RBFOX1: variants seen among roughly 807,000 people sequenced by gnomAD.
RBFOX1 encodes the protein RNA binding fox-1 homolog 1.
In RBFOX1, 8 loss-of-function variants were observed where a neutral mutation model predicts 57.7. The ratio of observed to expected loss-of-function variants is 0.14; its 90% CI spans 0.08 to 0.25. RBFOX1 has a LOEUF of 0.25. Ranked by LOEUF, RBFOX1 falls within the 10% of genes least tolerant of loss-of-function variation. The probability of loss-of-function intolerance (pLI) is 1.00; values close to 1 mark genes in which losing one functional copy is unlikely to be tolerated. For missense variants in RBFOX1, 611 were observed against 548.5 expected (o/e 1.11, Z -1.14); for synonymous variants, 326 against 222.4 (o/e 1.47, Z -4.15).
At chr16:6,288,366 T>C (rs1413519576) in intron 1 of RBFOX1, among the ~76,000 whole-genome samples, 13 of 152,158 alleles carry the variant, frequency 8.5e-5, no homozygotes, top group African/African-American at 2.9e-4. Context: ...GATTTGGAAG[T>C]TCTGGGTTAG....
At chr16:5,983,534 C>T (rs981374543) in intron 4 of RBFOX1, among the ~76,000 whole-genome samples, 35 of 152,260 alleles carry the variant, frequency 2.3e-4, no homozygotes, top group Non-Finnish European at 1.2e-4. Flanking sequence ...CAGCCCAGTT[C>T]GGGGATCACC....
intron 1 of RBFOX1, among the ~76,000 whole-genome samples, chr16:5,457,751 C>G (rs2068673692): frequency 6.6e-6 from 1 of 152,244 alleles, no homozygotes; most frequent in African/African-American, 2.4e-5. Context: ...GTGTGACTAT[C>G]TGTGTGGACT....
intron 2 of RBFOX1, among the ~76,000 whole-genome samples, chr16:6,613,095 C>T (rs1465059873): frequency 6.6e-6 from 1 of 151,382 alleles, no homozygotes; most frequent in East Asian, 1.9e-4. Flanking sequence ...GGTACAGGAA[C>T]TGTCAGGCCT....
At chr16:6,302,679 G>T (rs1011115669) in intron 1 of RBFOX1, among the ~76,000 whole-genome samples, 2 of 152,032 alleles carry the variant, frequency 1.3e-5, no homozygotes, top group Non-Finnish European at 2.9e-5. Context: ...CAATTAAAAA[G>T]AAAGAACATT....
intron 1 of RBFOX1, among the ~76,000 whole-genome samples, chr16:6,046,485 G>C (rs2095496659): frequency 6.6e-6 from 1 of 152,154 alleles, no homozygotes; most frequent in Admixed American, 6.5e-5. Context: ...ATGTATACTC[G>C]AGTCTAGAGC....
chr16:5,538,889 C>G (rs992888707), intron 2 of RBFOX1, among the ~76,000 whole-genome samples: 2 of 152,022 alleles, frequency 1.3e-5, no homozygotes, highest in Non-Finnish European at 2.9e-5. Flanking sequence ...GCCAGTGGCT[C>G]CGTTTTGATT....
At chr16:6,324,095 C>A (rs2082107014) in intron 2 of RBFOX1, among the ~76,000 whole-genome samples, 1 of 152,112 alleles carries the variant, frequency 6.6e-6, no homozygotes, top group African/African-American at 2.4e-5. Flanking sequence ...TTAGCGTAAC[C>A]ATCACCTTAA....
chr16:6,273,287 G>T (rs1599048813), intron 1 of RBFOX1, among the ~76,000 whole-genome samples: 1 of 136,470 alleles, frequency 7.3e-6, no homozygotes, highest in East Asian at 2.4e-4. Flanking sequence ...CCAAAGCAAA[G>T]AAAACAGAAA....
rs138780576 is a variant in RBFOX1, at chr16:7,604,608, A to G, written c.623-2677A>G. On this transcript the variant is annotated intron_variant, in intron 9 of 15. Transcript: ENST00000550418. ...GATTATAGGGGGATAGACAGATTAT[A>G]GATACGTTTATAGATAGATCAGTAG... 3.1e-3 allele frequency among the ~76,000 whole-genome samples: 467 copies of G among 152,322 alleles called. 1 individual carries two copies. The highest frequency in any genetic ancestry group is 0.01 in the Middle Eastern group (3 of 294).
chr16:7,631,848 A>G lies in RBFOX1; in HGVS notation c.757+1165A>G, dbSNP rs528594350. Among the ~76,000 whole-genome samples the G allele has an allele frequency of 9.8e-5, 15 of 152,316 alleles. No individual in the cohort carries two copies. The South Asian group carries it at 1.9e-3, about 19-fold the overall frequency. The stretch of plus-strand genomic sequence containing the variant: ...TGTTACCAGCAGTCACAGGGAATCA[A>G]AAATATAATGTGACACACCCAAGGG... On this transcript the variant is annotated intron_variant, in intron 11 of 15. Transcript: ENST00000550418.
At chr16:6,451,884 C>G (rs1176219866) in intron 2 of RBFOX1, among the ~76,000 whole-genome samples, 2 of 151,216 alleles carry the variant, frequency 1.3e-5, no homozygotes, top group African/African-American at 2.4e-5. Flanking sequence ...ATGACTCCAT[C>G]CATGGCCACT....
intron 4 of RBFOX1, among the ~76,000 whole-genome samples, chr16:7,125,081 C>G (rs1455035721): frequency 6.6e-6 from 1 of 152,086 alleles, no homozygotes; most frequent in East Asian, 1.9e-4. Flanking sequence ...TCTGTCAAAG[C>G]TGAGATATTT....
At chr16:7,152,700 A>C (rs180992641) in intron 4 of RBFOX1, among the ~76,000 whole-genome samples, 119 of 152,290 alleles carry the variant, frequency 7.8e-4, no homozygotes, top group Non-Finnish European at 1.2e-3. Context: ...AGCATGGGCA[A>C]AATAAGTTGT....
At chr16:6,897,208 C>G (rs1013922345) in intron 3 of RBFOX1, among the ~76,000 whole-genome samples, 1 of 152,234 alleles carries the variant, frequency 6.6e-6, no homozygotes, top group African/African-American at 2.4e-5. Flanking sequence ...CAGAACCCTA[C>G]TTCATAACTT....
chr16:7,301,202 A>G (rs997376720), intron 4 of RBFOX1, among the ~76,000 whole-genome samples: 4 of 152,170 alleles, frequency 2.6e-5, no homozygotes, highest in African/African-American at 7.2e-5. Flanking sequence ...TGGATGCCCT[A>G]TTCCTGATTA....
intron 3 of RBFOX1, among the ~76,000 whole-genome samples, chr16:5,643,472 G>T (rs2048947135): frequency 6.6e-6 from 1 of 152,180 alleles, no homozygotes; most frequent in Admixed American, 6.5e-5. Flanking sequence ...CTTCTCTGCT[G>T]AGAGGTATGG....
chr16:6,864,399 A>C (rs961448958), intron 3 of RBFOX1, among the ~76,000 whole-genome samples: 2 of 152,190 alleles, frequency 1.3e-5, no homozygotes, highest in Non-Finnish European at 2.9e-5. Context: ...TTACTTTTGC[A>C]GGCACAGAAA....
intron 1 of RBFOX1, among the ~76,000 whole-genome samples, chr16:5,427,968 G>A (rs958709468): frequency 2.0e-5 from 3 of 152,202 alleles, no homozygotes; most frequent in African/African-American, 7.2e-5. Flanking sequence ...AACTCTTGAC[G>A]AGAAGCTGCT....
At chr16:6,621,437 C>A (rs967300243) in intron 2 of RBFOX1, among the ~76,000 whole-genome samples, 4 of 152,146 alleles carry the variant, frequency 2.6e-5, no homozygotes, top group Non-Finnish European at 5.9e-5. Flanking sequence ...GCGCTCCAGC[C>A]TGGGTGACAG....
Sources: gnomAD v4.1 joint callset for allele counts (sites outside exome capture counted in the v4.1 genomes callset) on GRCh38, gnomAD v4.1.1 for gene constraint, MANE v1.5 for transcripts, NCBI Gene and HGNC (gene_info 2026-07-23, HGNC 2026-07-21) for gene names.